The following DFFA variants were observed in gnomAD, a reference collection of about 807,000 sequenced individuals.
The protein encoded by DFFA is DNA fragmentation factor subunit alpha.
Under a neutral mutation model 28.0 loss-of-function variants are expected in DFFA, and 14 were observed. The ratio of observed to expected loss-of-function variants is 0.50; its 90% CI spans 0.33 to 0.78. DFFA has a LOEUF of 0.78. Among genes scored for constraint, DFFA ranks in the 30% least tolerant of loss-of-function variants. The pLI is 0.02. For synonymous variants in DFFA, 158 were observed against 170.3 expected (o/e 0.93, Z 0.56); for missense variants, 395 against 407.1 (o/e 0.97, Z 0.26).
At chr1:10,466,861 G>A (rs1458677529) in intron 3 of DFFA, among the ~76,000 whole-genome samples, 3 of 148,642 alleles carry the variant, frequency 2.0e-5, no homozygotes, top group African/African-American at 5.0e-5. Flanking sequence ...GCTGAGACAG[G>A]AGAATTGCTT....
chr1:10,472,418 T>A lies in DFFA; in HGVS notation c.41A>T (p.Glu14Val). The change falls in exon 1 of 6, where the codon GAG (glutamate) becomes GTG (valine). Residue 14 changes from glutamate (E) to valine (V), a missense_variant. Coordinates refer to ENST00000377038, the MANE Select transcript of DFFA (RefSeq NM_004401.3). The surrounding 1 kb of genome is among the most constrained non-coding windows in gnomAD (Gnocchi z 5.0). ...CAGACACGGCTTTAGAGTCCGGATC[T>A]CGCCAGATTCTGGTACCCCGGCGTC... Reference protein sequence around the residue: ...TGDAGVPESGEIRTLKPCLLR... With the variant: ...TGDAGVPESGVIRTLKPCLLR... 6.2e-7 allele frequency: 1 copy of A among 1,612,034 alleles called. No individual in the cohort carries two copies. Among genetic ancestry groups the A allele is most frequent in the East Asian group, 2.2e-5 (1 of 44,668 alleles).
chr1:10,464,884 G>A (rs1355402323), intron 3 of DFFA, among the ~76,000 whole-genome samples: 1 of 152,198 alleles, frequency 6.6e-6, no homozygotes, highest in Non-Finnish European at 1.5e-5. Context: ...CGTTAGAGCA[G>A]AGACTGTGTC....
rs1640995982 is a variant in DFFA at position 10,464,458 on chromosome 1, T to C, written c.442-838A>G. Among the ~76,000 whole-genome samples, 4 of 152,300 alleles carry C rather than the reference T, an allele frequency of 2.6e-5. No individual in the cohort carries two copies. In the South Asian group the frequency reaches 8.3e-4, roughly 32 times the overall value. ...GGTCGGGTGTAGTGGCTTACACCTATAATCCCAGCACTCTGGGAGGCTGAG... is the reference window on the plus strand; with the variant it reads ...GGTCGGGTGTAGTGGCTTACACCTACAATCCCAGCACTCTGGGAGGCTGAG... On this transcript the variant is annotated intron_variant, in intron 3 of 5. Coordinates refer to ENST00000377038, the MANE Select transcript of DFFA (RefSeq NM_004401.3).
chr1:10,469,766 G>A (rs7529609), intron 1 of DFFA, among the ~76,000 whole-genome samples: 5,292 of 151,898 alleles, frequency 0.035, 320 homozygotes, highest in African/African-American at 0.12. Flanking sequence ...TGATCCACCC[G>A]CCTTGGCCTC....
intron 3 of DFFA, among the ~76,000 whole-genome samples, chr1:10,465,086 T>C (rs1641003141): frequency 7.6e-6 from 1 of 131,182 alleles, no homozygotes; most frequent in South Asian, 2.5e-4. Context: ...ACCTCCTCTC[T>C]ATAAAACATT....
chr1:10,463,862 G>A (rs1017800528), intron 3 of DFFA, among the ~76,000 whole-genome samples: 6 of 151,634 alleles, frequency 4.0e-5, no homozygotes, highest in Non-Finnish European at 7.4e-5. Flanking sequence ...ACGGGGTTTT[G>A]TCATGTTGGC....
At chr1:10,471,824 C>T (rs1379219526) in intron 1 of DFFA, among the ~76,000 whole-genome samples, 1 of 152,174 alleles carries the variant, frequency 6.6e-6, no homozygotes, top group African/African-American at 2.4e-5. Context: ...GGTATGGGGC[C>T]GGGCTCGGAA....
chr1:10,469,077 C>T, intron 2 of DFFA, 100 bp downstream of exon 2: 1 of 1,275,910 alleles, frequency 7.8e-7, no homozygotes, highest in Non-Finnish European at 1.1e-6. Context: ...TGAACAAATG[C>T]TTAAAAAGCC....
Position 10,461,422 on chromosome 1 carries a change from G to C in DFFA, c.*68C>G. 1.3e-6 allele frequency: 2 copies of C among 1,538,584 alleles called. No homozygotes were observed. Among genetic ancestry groups the C allele is most frequent in the East Asian group, 2.4e-5 (1 of 41,974 alleles). ...TAGAGTAGTACATAGGTAGTCAAAT[G>C]ATGAGGCTGAGGGTGTCTACCAATA... On this transcript the variant is annotated 3_prime_UTR_variant, in exon 6 of 6. Transcript: ENST00000377038.
chr1:10,472,233 A>C lies in DFFA; in HGVS notation c.136+90T>G, dbSNP rs534918945. The C allele has an allele frequency of 1.7e-5, 25 of 1,430,812 alleles. No individual in the cohort carries two copies. The highest frequency in any genetic ancestry group is 2.5e-4 in the Middle Eastern group (1 of 4,036). 88.6% of individuals were successfully genotyped at this position (1,430,812 alleles called of 1,614,324 possible). A position where few individuals can be genotyped will look rare whatever the true frequency, so the allele number is the denominator to read the frequency against. On this transcript the variant is annotated intron_variant, in intron 1 of 5. Coordinates refer to ENST00000377038, the MANE Select transcript of DFFA (RefSeq NM_004401.3). The surrounding 1 kb of genome is among the most constrained non-coding windows in gnomAD (Gnocchi z 5.0). Reference sequence around the variant, plus strand: ...TCCACCCGAGATACAAGAATCCCCAAGTCGCCTCTCCTGACCCCGCCTCGC... The same window carrying C: ...TCCACCCGAGATACAAGAATCCCCACGTCGCCTCTCCTGACCCCGCCTCGC...
At chr1:10,471,582 C>T (rs2124350707) in intron 1 of DFFA, among the ~76,000 whole-genome samples, 1 of 152,280 alleles carries the variant, frequency 6.6e-6, no homozygotes, top group South Asian at 2.1e-4. Flanking sequence ...CCCTCTGACA[C>T]ACACTGTGAC....
At position 10,461,431 on chromosome 1, in the gene DFFA, G is replaced by A; in HGVS notation, c.*59C>T. 6.4e-7 allele frequency: 1 copy of A among 1,558,726 alleles called. No individual in the cohort carries two copies. The highest frequency in any genetic ancestry group is 2.3e-5 in the East Asian group (1 of 42,902). On this transcript the variant is annotated 3_prime_UTR_variant, in exon 6 of 6. Coordinates refer to ENST00000377038, the MANE Select transcript of DFFA (RefSeq NM_004401.3). ...ACATAGGTAGTCAAATGATGAGGCT[G>A]AGGGTGTCTACCAATAACACAACGC...
At chr1:10,469,441 T>G (rs984150139) in intron 1 of DFFA, 103 bp from the exon 2 acceptor site, 1 of 956,524 alleles carries the variant, frequency 1.0e-6, no homozygotes. Flanking sequence ...GCAGAACTCC[T>G]GGTAGGTAAT....
Position 10,457,885 on chromosome 1 carries a change from CTCTGTGTG to C in DFFA, c.*3597_*3604del, listed in dbSNP as rs1640882064. ...TAACGCCCAGACGAGTCAACGAACG[CTCTGTGTG>C]TCTAACAGAAATAAAATATTCTGGC... On this transcript the variant is annotated 3_prime_UTR_variant, in exon 6 of 6. Transcript: ENST00000377038. The C allele has an allele frequency of 3.0e-5, 1 of 33,270 alleles. No homozygotes were observed. The highest frequency in any genetic ancestry group is 6.9e-5 in the African/African-American group (1 of 14,418). The allele number at this position is 33,270 out of a possible 1,614,324, so 2.1% of individuals were successfully genotyped here. A position where few individuals can be genotyped will look rare whatever the true frequency, so the allele number is the denominator to read the frequency against.
At chr1:10,463,668 T>A in intron 3 of DFFA, 48 bp from the exon 4 acceptor site, 1 of 1,537,886 alleles carries the variant, frequency 6.5e-7, no homozygotes, top group Non-Finnish European at 8.7e-7. Flanking sequence ...ACTTTCTGAC[T>A]TTCTTTTTTT....
In DFFA at chr1:10,463,197, G is replaced by C. The variant is rs944680616; in HGVS notation, c.644C>G (p.Ala215Gly). The C allele has an allele frequency of 1.2e-6, 2 of 1,613,952 alleles. No individual in the cohort carries two copies. The highest frequency in any genetic ancestry group is 1.3e-5 in the African/African-American group (1 of 74,916). Reference sequence around the variant, plus strand: ...TACTGCATCCACCTCCTCACCAAAGGCAGCTTTGGACTCTGCAAAGGAGAC... The same window carrying C: ...TACTGCATCCACCTCCTCACCAAAGCCAGCTTTGGACTCTGCAAAGGAGAC... ...LLSKQEESKA[A>G]FGEEVDAVDT... The change falls in exon 5 of 6, where the codon GCC becomes GGC. Residue 215 changes from alanine to glycine, a missense_variant. Transcript: ENST00000377038.
chr1:10,463,017 A>G, intron 5 of DFFA, 41 bp downstream of exon 5: 1 of 1,612,760 alleles, frequency 6.2e-7, no homozygotes, highest in Non-Finnish European at 8.5e-7. Context: ...ATCCCAGGGC[A>G]TGTCCTCCTC....
intron 1 of DFFA, among the ~76,000 whole-genome samples, chr1:10,471,371 C>G (rs61776042): frequency 0.042 from 6,450 of 152,258 alleles, 328 homozygotes; most frequent in African/African-American, 0.11. Context: ...CTGCAGAGAA[C>G]ACCAGCCTCT....
chr1:10,466,952 CAAAAAAAAAAAA>C (rs34597195), intron 3 of DFFA, among the ~76,000 whole-genome samples: 1 of 32,724 alleles, frequency 3.1e-5, no homozygotes, highest in Non-Finnish European at 7.5e-5. Flanking sequence ...GACTGTGTCT[CAAAAAAAAAAAA>C]AAAAAAAAAA....
Sources: gnomAD v4.1 joint callset for allele counts (sites outside exome capture counted in the v4.1 genomes callset) on GRCh38, gnomAD v4.1.1 for gene constraint, Gnocchi (gnomAD v3.1) non-coding constraint, MANE v1.5 for transcripts, NCBI Gene and HGNC (gene_info 2026-07-23, HGNC 2026-07-21) for gene names.